Variants in PISD observed in about 807,000 individuals in gnomAD.
PISD encodes phosphatidylserine decarboxylase, also known as phosphatidylserine decarboxylase proenzyme, mitochondrial.
In PISD, 31 loss-of-function variants were observed where a neutral mutation model predicts 43.5. The observed-to-expected ratio is 0.71, with a 90% CI of 0.54 to 0.96. The LOEUF (loss-of-function observed/expected upper bound fraction) is 0.96. Ranked by LOEUF, PISD falls within the 40% of genes least tolerant of loss-of-function variation. The pLI is 0.00. For missense variants in PISD, 523 were observed against 548.4 expected (o/e 0.95, Z 0.46); for synonymous variants, 259 against 228.7 (o/e 1.13, Z -1.20).
In PISD at chr22:31,630,084, T is replaced by C. The variant is rs1250609619; in HGVS notation, c.322-8199A>G. The C allele has an allele frequency of 6.6e-6, 1 of 151,998 alleles. No homozygotes were observed. The highest frequency in any genetic ancestry group is 1.5e-5 in the Non-Finnish European group (1 of 68,038). 9.4% of individuals were successfully genotyped at this position (151,998 alleles called of 1,614,324 possible). Reference sequence around the variant, plus strand: ...GTCTAGTGGGGCGACAACCCTGCCTTCCCTGCATTCCTGAGCTAGAAGCAG... The same window carrying C: ...GTCTAGTGGGGCGACAACCCTGCCTCCCCTGCATTCCTGAGCTAGAAGCAG... On this transcript the variant is annotated intron_variant, in intron 3 of 7. Transcript: ENST00000439502. The surrounding 1 kb of genome is among the most constrained non-coding windows in gnomAD (Gnocchi z 4.4).
At position 31,618,522 on chromosome 22, in the gene PISD, C is replaced by T. The variant is rs1236961811; in HGVS notation, c.*1090G>A. ...GTTTGATTTTTTTTATTTCAAAATG[C>T]TTTGCAATTAAATGAATTACTGTTC... On this transcript the variant is annotated 3_prime_UTR_variant, in exon 8 of 8. Transcript: ENST00000439502. 6 of 1,166,892 alleles carry T rather than the reference C, an allele frequency of 5.1e-6. No homozygotes were observed. The highest frequency in any genetic ancestry group is 3.1e-5 in the African/African-American group (2 of 64,190). The allele number at this position is 1,166,892 out of a possible 1,614,324, so 72.3% of individuals were successfully genotyped here.
At chr22:31,642,629 C>T (rs1046812237) in intron 3 of PISD, among the ~76,000 whole-genome samples, 1 of 149,956 alleles carries the variant, frequency 6.7e-6, no homozygotes, top group Non-Finnish European at 1.5e-5. Flanking sequence ...CCCATCTCTA[C>T]TAAAAATACA....
intron 3 of PISD, chr22:31,625,717 C>T (rs368706009): frequency 1.2e-5 from 18 of 1,559,230 alleles, no homozygotes; most frequent in East Asian, 7.1e-5. Context: ...TTCCGGAGGT[C>T]GTGGCGGGGA....
intron 2 of PISD, among the ~76,000 whole-genome samples, chr22:31,648,531 A>T (rs1175672264): frequency 6.6e-6 from 1 of 152,088 alleles, no homozygotes; most frequent in Non-Finnish European, 1.5e-5. Flanking sequence ...TTAGCCGGGC[A>T]CAGTGGCGGG....
intron 1 of PISD, among the ~76,000 whole-genome samples, chr22:31,660,007 C>G (rs2074276474): frequency 6.6e-6 from 1 of 152,100 alleles, no homozygotes; most frequent in South Asian, 2.1e-4. Context: ...GTTTAGGAAA[C>G]ATGGCCCTAA....
At chr22:31,656,642 C>T (rs540642899) in intron 1 of PISD, among the ~76,000 whole-genome samples, 49 of 131,568 alleles carry the variant, frequency 3.7e-4, no homozygotes, top group Non-Finnish European at 6.5e-4. Flanking sequence ...AGCAAGACTG[C>T]GTCTCAAAAA....
At chr22:31,654,061 C>T (rs2074103633) in intron 1 of PISD, among the ~76,000 whole-genome samples, 1 of 152,170 alleles carries the variant, frequency 6.6e-6, no homozygotes, top group Admixed American at 6.6e-5. Flanking sequence ...ACTTCCTCAC[C>T]TCTCAGCCTC....
intron 3 of PISD, chr22:31,632,287 C>A: frequency 2.0e-6 from 2 of 977,886 alleles, no homozygotes. Flanking sequence ...CATGTTCTTC[C>A]ATACCTACAA....
Position 31,621,877 on chromosome 22 carries a change from C to T in PISD, c.330G>A (p.Leu110=), listed in dbSNP as rs773294304. 6.2e-7 allele frequency: 1 copy of T among 1,607,634 alleles called. No individual in the cohort carries two copies. The highest frequency in any genetic ancestry group is 8.5e-7 in the Non-Finnish European group (1 of 1,179,724). The part of the protein sequence containing the change: ...PKLAGHWEVA[L]YKSVPTRLLS... ...GCAAGCGCGTTGGCACTGACTTGTA[C>T]AAAGCCACCTGCAGGCCACAGGGCA... Residue 110 remains leucine (L), a synonymous_variant, in exon 4 of 8, where the codon TTG becomes TTA. Coordinates refer to ENST00000439502, the MANE Select transcript of PISD (RefSeq NM_001326411.2).
At chr22:31,650,646 ATG>A (rs2074006395) in intron 2 of PISD, 51 bp downstream of exon 2, 1 of 1,054,236 alleles carries the variant, frequency 9.5e-7, no homozygotes, top group Non-Finnish European at 1.4e-6. Context: ...CAATTTACAG[ATG>A]ACCAAACTGA....
At position 31,662,156 on chromosome 22, in the gene PISD, G is replaced by A. The variant is rs1880660563; in HGVS notation, c.53C>T (p.Pro18Leu). 1.2e-6 allele frequency: 2 copies of A among 1,607,316 alleles called. No homozygotes were observed. Among genetic ancestry groups the A allele is most frequent in the Non-Finnish European group, 8.5e-7 (1 of 1,179,792 alleles). The change falls in exon 1 of 8, where the codon CCG becomes CTG. Residue 18 changes from proline (P) to leucine (L), a missense_variant. Coordinates refer to ENST00000439502, the MANE Select transcript of PISD (RefSeq NM_001326411.2). Reference sequence around the variant, plus strand: ...CGCGCTGCTATACCTGCTCCGCCACGGCGCGACCCCGTGCAGTAATCCCAG... The same window carrying A: ...CGCGCTGCTATACCTGCTCCGCCACAGCGCGACCCCGTGCAGTAATCCCAG... ...RCLGLLHGVA[P>L]WRSSLHPCEI...
chr22:31,640,348 C>A (rs1249026847), intron 3 of PISD, among the ~76,000 whole-genome samples: 1 of 151,862 alleles, frequency 6.6e-6, no homozygotes, highest in Non-Finnish European at 1.5e-5. Context: ...CAGGCCCATG[C>A]CACCACACCG....
Position 31,659,721 on chromosome 22 carries a change from A to T in PISD, c.65+2423T>A, listed in dbSNP as rs189445021. Among the ~76,000 whole-genome samples, 375 of 151,960 alleles carry T rather than the reference A, an allele frequency of 2.5e-3. 2 individuals carry two copies. The highest frequency in any genetic ancestry group is 7.7e-3 in the African/African-American group (319 of 41,434). On this transcript the variant is annotated intron_variant, in intron 1 of 7. Transcript: ENST00000439502. ...ATTCTCCTGCCTCAACCTCCTGAGT[A>T]GTTGGGACTACAGACACACGCCACC...
chr22:31,633,314 C>G (rs1036637040), intron 3 of PISD, among the ~76,000 whole-genome samples: 17 of 152,224 alleles, frequency 1.1e-4, no homozygotes, highest in African/African-American at 3.9e-4. Flanking sequence ...GCTGAGAGAT[C>G]TCTGGGATTC....
intron 3 of PISD, among the ~76,000 whole-genome samples, chr22:31,631,831 T>G (rs562745438): frequency 2.6e-5 from 4 of 152,154 alleles, no homozygotes; most frequent in Admixed American, 6.5e-5. Flanking sequence ...CAATGGTGAG[T>G]TGGCCCTAGA....
intron 3 of PISD, chr22:31,638,638 T>G (rs2073590075): frequency 1.0e-6 from 1 of 985,004 alleles, no homozygotes; most frequent in South Asian, 4.7e-5. Context: ...ACCAGTTCTG[T>G]CTCTACTACT....
chr22:31,632,158 AG>A (rs2073233507), intron 3 of PISD: 1 of 786,720 alleles, frequency 1.3e-6, no homozygotes, highest in African/African-American at 1.9e-5. Context: ...GTACAGTCAC[AG>A]CCCCATACAC....
At position 31,659,147 on chromosome 22, in the gene PISD, C is replaced by T. The variant is rs559984203; in HGVS notation, c.65+2997G>A. Among the ~76,000 whole-genome samples, 17 of 152,216 alleles carry T rather than the reference C, an allele frequency of 1.1e-4. No individual in the cohort carries two copies. The South Asian group carries it at 2.9e-3, about 26-fold the overall frequency. On this transcript the variant is annotated intron_variant, in intron 1 of 7. Coordinates refer to ENST00000439502, the MANE Select transcript of PISD (RefSeq NM_001326411.2). ...GGGATTACAGGCATGAGACACCACG[C>T]CCAGGCCTAAGACATTTTTAACATC... is the stretch of plus-strand genomic sequence containing the variant.
At chr22:31,625,544 C>A in intron 3 of PISD, 6 of 613,488 alleles carry the variant, frequency 9.8e-6, no homozygotes, top group Non-Finnish European at 1.7e-5. Flanking sequence ...GCAGCCTCCC[C>A]CTGCTGGGCC....
Sources: allele counts gnomAD v4.1 joint callset (sites outside exome capture counted in the v4.1 genomes callset), GRCh38; gene constraint gnomAD v4.1.1; non-coding constraint Gnocchi (gnomAD v3.1); transcripts MANE v1.5; gene names NCBI Gene and HGNC (gene_info 2026-07-23, HGNC 2026-07-21).